DBH: variants seen among roughly 807,000 people sequenced by gnomAD.
DBH encodes dopamine beta-hydroxylase (dopamine beta-monooxygenase).
DBH carries 49 observed loss-of-function variants against 64.0 expected under a neutral mutation model. The observed-to-expected ratio is 0.77, with a 90% CI of 0.61 to 0.97. The LOEUF (loss-of-function observed/expected upper bound fraction) is 0.97. DBH is among the 50% of genes least tolerant of loss of function. The pLI is 0.00. For synonymous variants in DBH, 343 were observed against 347.1 expected, an observed-to-expected ratio of 0.99 and a Z score of 0.13; for missense variants, 828 against 826.6, an observed-to-expected ratio of 1.00 and a Z score of -0.02.
At chr9:133,656,699 G>A in intron 10 of DBH, 49 bp downstream of exon 10, 2 of 1,605,178 alleles carry the variant, frequency 1.2e-6, no homozygotes, top group Non-Finnish European at 1.7e-6. Context: ...CCCCGACACA[G>A]AACCTCGGGC....
chr9:133,656,573 C>G lies in DBH; in HGVS notation c.1485C>G (p.Tyr495Ter). ...EEMCVNYVHY[Y>*]PQTQLELCKS... ...TGTGTGTCAACTACGTGCACTACTACCCCCAGACGCAGCTGGAGCTCTGCA... is the reference window on the plus strand; with the variant it reads ...TGTGTGTCAACTACGTGCACTACTAGCCCCAGACGCAGCTGGAGCTCTGCA... Residue 495 changes from tyrosine (Y) to a stop codon, truncating the protein, a stop_gained, in exon 10 of 12, where the codon TAC becomes TAG. Transcript: ENST00000393056. LOFTEE classifies it high-confidence loss of function. 1 of 1,613,866 alleles carries G rather than the reference C, an allele frequency of 6.2e-7. No homozygotes were observed. The highest frequency in any genetic ancestry group is 1.1e-5 in the South Asian group (1 of 91,082).
At chr9:133,657,487 GAGAGAGAGA>G (rs1374061143) in intron 11 of DBH, among the ~76,000 whole-genome samples, 1 of 145,876 alleles carries the variant, frequency 6.9e-6, no homozygotes, top group Non-Finnish European at 1.5e-5. Flanking sequence ...AGGGAGAGAG[GAGAGAGAGA>G]GGAGAGAGAG....
At chr9:133,646,395 C>T (rs1168166562) in intron 5 of DBH, among the ~76,000 whole-genome samples, 1 of 152,140 alleles carries the variant, frequency 6.6e-6, no homozygotes, top group African/African-American at 2.4e-5. Context: ...AGATCCTCCG[C>T]CAACCATGAG....
chr9:133,656,784 C>T, intron 10 of DBH, 134 bp downstream of exon 10: 1 of 1,175,270 alleles, frequency 8.5e-7, no homozygotes, highest in African/African-American at 1.5e-5. Flanking sequence ...GCATCACTCA[C>T]CCCTCCCCTC....
Position 133,636,692 on chromosome 9 carries a change from G to T in DBH, c.321G>T (p.Gly107=). 1.2e-6 allele frequency: 2 copies of T among 1,604,096 alleles called. No individual in the cohort carries two copies. Among genetic ancestry groups the T allele is most frequent in the African/African-American group, 1.3e-5 (1 of 74,994 alleles). Residue 107 remains glycine (G), a synonymous_variant, in exon 1 of 12, where the codon GGG becomes GGT. Transcript: ENST00000393056. ...ATCTCGTGGTGCTCTGGACCGATGG[G>T]GACACTGCCTATTTTGCGGTGAGTC... ...NADLVVLWTD[G]DTAYFADAWS...
chr9:133,650,307 G>A (rs1832228681), intron 6 of DBH, among the ~76,000 whole-genome samples: 1 of 152,152 alleles, frequency 6.6e-6, no homozygotes, highest in African/African-American at 2.4e-5. Context: ...GGGCTGTCGG[G>A]ACCTTGAGCT....
chr9:133,642,519 C>G, intron 3 of DBH, 55 bp downstream of exon 3: 3 of 1,551,256 alleles, frequency 1.9e-6, no homozygotes, highest in South Asian at 2.4e-5. Flanking sequence ...CCTCCCGGGC[C>G]TGGGTTGTCC....
rs986730003 is a variant in DBH at position 133,644,437 on chromosome 9, T to C, written c.1024+117T>C. On this transcript the variant is annotated intron_variant, in intron 5 of 11. Coordinates refer to ENST00000393056, the MANE Select transcript of DBH (RefSeq NM_000787.4). Reference sequence around the variant, plus strand: ...GGTGCCCCCGCTGTACAGCTCCTCTTGGCACGAGGCCCTTGCGTCTGCCTC... The same window carrying C: ...GGTGCCCCCGCTGTACAGCTCCTCTCGGCACGAGGCCCTTGCGTCTGCCTC... 4 of 833,008 alleles carry C rather than the reference T, an allele frequency of 4.8e-6. No individual in the cohort carries two copies. In the African/African-American group the frequency reaches 6.7e-5, roughly 14 times the overall value. The allele number at this position is 833,008 out of a possible 1,614,324, so 51.6% of individuals were successfully genotyped here.
chr9:133,642,913 T>A (rs1354440071), intron 3 of DBH, among the ~76,000 whole-genome samples: 2 of 152,110 alleles, frequency 1.3e-5, no homozygotes, highest in African/African-American at 4.8e-5. Flanking sequence ...GATCCCTCCT[T>A]CATCATAAGA....
intron 9 of DBH, chr9:133,654,627 G>A (rs926639030): frequency 2.6e-5 from 4 of 152,278 alleles, no homozygotes; most frequent in African/African-American, 9.7e-5. Flanking sequence ...GAGGTGCTCA[G>A]TATATCACAG....
chr9:133,637,227 C>G (rs1161040760), intron 1 of DBH, among the ~76,000 whole-genome samples: 1 of 152,238 alleles, frequency 6.6e-6, no homozygotes, highest in Non-Finnish European at 1.5e-5. Context: ...TGCAGACACC[C>G]TGCCCCTACC....
At position 133,643,361 on chromosome 9, in the gene DBH, G is replaced by T. The variant is rs569389317; in HGVS notation, c.745-52G>T. ...AAGCCCATGGAGGAGGGCTGCTGGG[G>T]AGGGGAGGGTGGGCGGCCGGTTCCC... On this transcript the variant is annotated intron_variant, in intron 3 of 11. Transcript: ENST00000393056. The surrounding 1 kb of genome is among the most constrained non-coding windows in gnomAD (Gnocchi z 5.3). 1 of 1,596,420 alleles carries T rather than the reference G, an allele frequency of 6.3e-7. No homozygotes were observed. The highest frequency in any genetic ancestry group is 1.3e-5 in the African/African-American group (1 of 74,562).
chr9:133,651,677 A>G lies in DBH; in HGVS notation c.1235A>G (p.His412Arg). ...ATCCACATCTTCGCCTCTCAGCTCC[A>G]CACACACCTGACTGGGAGAAAGGTG... ...SGIHIFASQL[H>R]THLTGRKVVT... Residue 412 changes from histidine to arginine, a missense_variant, in exon 7 of 12, where the codon CAC becomes CGC. By Grantham distance (29) the His-to-Arg change is conservative (BLOSUM62 0). Coordinates refer to ENST00000393056, the MANE Select transcript of DBH (RefSeq NM_000787.4). 1 of 1,613,860 alleles carries G rather than the reference A, an allele frequency of 6.2e-7. No homozygotes were observed. The highest frequency in any genetic ancestry group is 8.5e-7 in the Non-Finnish European group (1 of 1,179,992).
Position 133,658,995 on chromosome 9 carries a change from C to T in DBH, c.*548C>T, listed in dbSNP as rs1013486064. 2 of 152,246 alleles carry T rather than the reference C, an allele frequency of 1.3e-5. No homozygotes were observed. The highest frequency in any genetic ancestry group is 1.5e-5 in the Non-Finnish European group (1 of 68,066). The allele number at this position is 152,246 out of a possible 1,614,324, so 9.4% of individuals were successfully genotyped here. ...TTAGAGACTCGCCTGGGAAATTGCTCCATTCCTGAGTAAACAGATATTTTC... is the reference window on the plus strand; with the variant it reads ...TTAGAGACTCGCCTGGGAAATTGCTTCATTCCTGAGTAAACAGATATTTTC... On this transcript the variant is annotated 3_prime_UTR_variant, in exon 12 of 12. Transcript: ENST00000393056.
At position 133,643,534 on chromosome 9, in the gene DBH, C is replaced by A. The variant is rs556608204; in HGVS notation, c.866C>A (p.Pro289His). 1 of 1,613,642 alleles carries A rather than the reference C, an allele frequency of 6.2e-7. No homozygotes were observed. The highest frequency in any genetic ancestry group is 2.2e-5 in the East Asian group (1 of 44,828). The change falls in exon 4 of 12, where the codon CCC (proline) becomes CAC (histidine). Residue 289 changes from proline (P) to histidine (H), a missense_variant. Coordinates refer to ENST00000393056, the MANE Select transcript of DBH (RefSeq NM_000787.4). This position sits in a 1 kb window ranked among gnomAD's most constrained non-coding sequence, Gnocchi z 5.3. ...FSGPCDSKMK[P>H]DRLNYCRHVL... ...GGGCCCTGCGACTCCAAGATGAAAC[C>A]CGACCGCCTCAACTACTGCCGCCAC...
rs1197209235 is a variant in DBH, at chr9:133,644,380, T to C, written c.1024+60T>C. 6 of 1,407,402 alleles carry C rather than the reference T, an allele frequency of 4.3e-6. No individual in the cohort carries two copies. In the African/African-American group the frequency reaches 7.2e-5, roughly 17 times the overall value. The allele number at this position is 1,407,402 out of a possible 1,614,324, so 87.2% of individuals were successfully genotyped here. A position where few individuals can be genotyped will look rare whatever the true frequency, so the allele number is the denominator to read the frequency against. On this transcript the variant is annotated intron_variant, in intron 5 of 11. Coordinates refer to ENST00000393056, the MANE Select transcript of DBH (RefSeq NM_000787.4). ...CTAGGACTCAGCTGTGTTGAGCCAG[T>C]GAGCAAATCCCGCCCTTCGTCTGCC...
intron 6 of DBH, among the ~76,000 whole-genome samples, chr9:133,648,671 G>A (rs1348929037): frequency 1.3e-5 from 2 of 152,248 alleles, no homozygotes; most frequent in African/African-American, 4.8e-5. Context: ...TCAGGGCTAT[G>A]CACGCTGGGT....
At chr9:133,639,609 G>A (rs968247805) in intron 1 of DBH, among the ~76,000 whole-genome samples, 2 of 152,198 alleles carry the variant, frequency 1.3e-5, no homozygotes, top group African/African-American at 4.8e-5. Flanking sequence ...GGCTGCAGAG[G>A]AGGAACCAAC....
intron 8 of DBH, 26 bp downstream of exon 8, chr9:133,652,310 C>T: frequency 6.2e-7 from 1 of 1,611,480 alleles, no homozygotes; most frequent in South Asian, 1.1e-5. Flanking sequence ...GAAGGCTGTC[C>T]CACTCACTGC....
Sources: gnomAD v4.1 joint callset for allele counts (sites outside exome capture counted in the v4.1 genomes callset) on GRCh38, gnomAD v4.1.1 for gene constraint, Gnocchi (gnomAD v3.1) non-coding constraint, MANE v1.5 for transcripts, NCBI Gene and HGNC (gene_info 2026-07-23, HGNC 2026-07-21) for gene names.